Variants in EDA observed in about 807,000 individuals in gnomAD.
EDA encodes ectodysplasin A, also known as ectodysplasin-A.
In EDA, 2 loss-of-function variants were observed where a neutral mutation model predicts 23.6. The ratio of observed to expected loss-of-function variants is 0.08; its 90% CI spans 0.03 to 0.27. EDA has a LOEUF of 0.27. Ranked by LOEUF, EDA falls within the 10% of genes least tolerant of loss-of-function variation. The pLI is 1.00. For synonymous variants in EDA, 131 were observed against 132.0 expected (o/e 0.99, Z 0.05); for missense variants, 229 against 324.2 (o/e 0.71, Z 2.26).
chrX:69,938,730 G>T (rs967296343), intron 1 of EDA, among the ~76,000 whole-genome samples: 9 of 111,832 alleles, frequency 8.0e-5, no homozygotes, highest in Non-Finnish European at 1.7e-4. Flanking sequence ...CATAGTTTGA[G>T]GTCCTAGATT....
intron 1 of EDA, among the ~76,000 whole-genome samples, chrX:69,836,924 G>A (rs1319832584): frequency 8.9e-6 from 1 of 112,480 alleles, no homozygotes. Flanking sequence ...TGAGACACTA[G>A]TGTTTTGGAG....
intron 1 of EDA, among the ~76,000 whole-genome samples, chrX:69,775,182 A>T (rs2014743187): frequency 9.0e-6 from 1 of 111,483 alleles, no homozygotes; most frequent in Non-Finnish European, 1.9e-5. Flanking sequence ...CTATTCTTCC[A>T]GTATTTTTGA....
intron 1 of EDA, among the ~76,000 whole-genome samples, chrX:69,676,555 G>C (rs756145913): frequency 1.8e-5 from 2 of 109,368 alleles, no homozygotes; most frequent in South Asian, 8.1e-4. Context: ...CTAATTTCTT[G>C]GACTCTCAAT....
At chrX:69,975,762 A>G (rs1321411695) in intron 2 of EDA, among the ~76,000 whole-genome samples, 3 of 112,456 alleles carry the variant, frequency 2.7e-5, no homozygotes, top group Admixed American at 9.4e-5. Flanking sequence ...AAAATATCTC[A>G]TTAATACACA....
chrX:69,940,148 T>G (rs2018736491), intron 1 of EDA, among the ~76,000 whole-genome samples: 1 of 111,779 alleles, frequency 8.9e-6, no homozygotes, highest in African/African-American at 3.2e-5. Context: ...TTTGGAATAC[T>G]TTGAGTAGGA....
intron 1 of EDA, among the ~76,000 whole-genome samples, chrX:69,677,156 A>C (rs1242676704): frequency 9.7e-6 from 1 of 102,833 alleles, no homozygotes; most frequent in Admixed American, 1.1e-4. Context: ...AAGGACATGA[A>C]CTCATCCTTT....
intron 1 of EDA, among the ~76,000 whole-genome samples, chrX:69,939,716 G>A (rs1161042371): frequency 9.0e-6 from 1 of 111,418 alleles, no homozygotes; most frequent in Non-Finnish European, 1.9e-5. Context: ...GATACTAACT[G>A]TGGGTCTGTT....
intron 1 of EDA, among the ~76,000 whole-genome samples, chrX:69,793,666 T>G (rs1042013742): frequency 9.3e-6 from 1 of 107,024 alleles, no homozygotes; most frequent in African/African-American, 3.4e-5. Context: ...TGTTATGCTC[T>G]TTTCTCTACA....
chrX:69,773,730 A>G (rs1445356290), intron 1 of EDA, among the ~76,000 whole-genome samples: 1 of 111,186 alleles, frequency 9.0e-6, no homozygotes, highest in East Asian at 2.8e-4. Flanking sequence ...TCTTTTTTGG[A>G]GAAATAACCA....
intron 2 of EDA, among the ~76,000 whole-genome samples, chrX:70,017,342 TC>T (rs1262612585): frequency 1.8e-5 from 2 of 111,650 alleles, no homozygotes; most frequent in African/African-American, 6.5e-5. Context: ...AGGAGGGGCT[TC>T]CCCCTAACTC....
intron 1 of EDA, among the ~76,000 whole-genome samples, chrX:69,671,807 T>C (rs917162205): frequency 8.9e-6 from 1 of 112,477 alleles, no homozygotes; most frequent in Admixed American, 9.4e-5. Flanking sequence ...TTTATGTGTG[T>C]GTGGTAGACA....
At chrX:69,697,624 T>C (rs1251635196) in intron 1 of EDA, among the ~76,000 whole-genome samples, 5 of 111,705 alleles carry the variant, frequency 4.5e-5, no homozygotes, top group Admixed American at 1.9e-4. Flanking sequence ...AACTGTAGTT[T>C]CAGCAAGACT....
At chrX:69,889,890 T>G (rs1229343505) in intron 1 of EDA, among the ~76,000 whole-genome samples, 1 of 111,948 alleles carries the variant, frequency 8.9e-6, no homozygotes, top group Non-Finnish European at 1.9e-5. Context: ...ATATCTGTTT[T>G]CTTCTAGCAG....
rs1340512116 is a variant in EDA, at chrX:70,036,567, T to C, written c.*958T>C. On this transcript the variant is annotated 3_prime_UTR_variant, in exon 8 of 8. Coordinates refer to ENST00000374552, the MANE Select transcript of EDA (RefSeq NM_001399.5). Reference sequence around the variant, plus strand: ...TTTTCCATTTATTAAGCAGTACAAATGTTTTTCATCCATTCCTAATCAAAT... The same window carrying C: ...TTTTCCATTTATTAAGCAGTACAAACGTTTTTCATCCATTCCTAATCAAAT... 8.9e-6 allele frequency: 1 copy of C among 112,878 alleles called. No individual in the cohort carries two copies. The highest frequency in any genetic ancestry group is 9.4e-5 in the Admixed American group (1 of 10,688). The allele number at this position is 112,878 out of a possible 1,213,427, so 9.3% of individuals were successfully genotyped here.
chrX:69,859,779 G>T (rs921020463), intron 1 of EDA, among the ~76,000 whole-genome samples: 1 of 111,156 alleles, frequency 9.0e-6, no homozygotes, highest in African/African-American at 3.3e-5. Flanking sequence ...GAGTATCTTT[G>T]TTAATTTTGT....
At chrX:69,901,654 G>A (rs2018100588) in intron 1 of EDA, among the ~76,000 whole-genome samples, 1 of 111,844 alleles carries the variant, frequency 8.9e-6, no homozygotes, top group African/African-American at 3.2e-5. Context: ...TAATTTTGAG[G>A]TAACTGGGCA....
intron 1 of EDA, among the ~76,000 whole-genome samples, chrX:69,754,755 T>G (rs1008121293): frequency 5.4e-5 from 6 of 111,576 alleles, no homozygotes; most frequent in Admixed American, 4.8e-4. Flanking sequence ...GAGACTTTCT[T>G]TCTTTTTACT....
chrX:69,780,752 A>G (rs748009696), intron 1 of EDA, among the ~76,000 whole-genome samples: 2 of 110,938 alleles, frequency 1.8e-5, no homozygotes, highest in Non-Finnish European at 3.8e-5. Context: ...ATATGAAGAC[A>G]TGCTTGCTTC....
At chrX:69,855,422 T>G (rs1217910816) in intron 1 of EDA, among the ~76,000 whole-genome samples, 1 of 112,141 alleles carries the variant, frequency 8.9e-6, no homozygotes, top group Non-Finnish European at 1.9e-5. Context: ...CACCTAAGTT[T>G]TCTTCCAGGG....
Sources: allele counts gnomAD v4.1 joint callset (sites outside exome capture counted in the v4.1 genomes callset), GRCh38; gene constraint gnomAD v4.1.1; transcripts MANE v1.5; gene names NCBI Gene and HGNC (gene_info 2026-07-23, HGNC 2026-07-21).